RP1L1: variants seen among roughly 807,000 people sequenced by gnomAD.
RP1L1 encodes the protein retinitis pigmentosa 1-like 1 protein.
RP1L1 carries 27 observed loss-of-function variants against 15.7 expected under a neutral mutation model. The ratio of observed to expected loss-of-function variants is 1.72; its 90% CI spans 1.27 to 2.38. The LOEUF is 2.38. Ranked by LOEUF, RP1L1 falls within the 30% of genes most tolerant of loss-of-function variation. The pLI is 0.00. For synonymous variants in RP1L1, 1,813 were observed against 1,276.7 expected (o/e 1.42, Z -8.96); for missense variants, 4,798 against 3,075.9 (o/e 1.56, Z -13.24).
Position 10,606,792 on chromosome 8 carries a change from C to T in RP1L1, c.*103G>A, listed in dbSNP as rs1475465911. 92 of 1,575,226 alleles carry T rather than the reference C, an allele frequency of 5.8e-5. No individual in the cohort carries two copies. In the East Asian group the frequency reaches 2.0e-3, roughly 35 times the overall value. ...CAAGTCCTTGGTCTTTGTCCATGTA[C>T]TATGGACATCTCCAGTGGACTGAAC... is the stretch of plus-strand genomic sequence containing the variant. On this transcript the variant is annotated 3_prime_UTR_variant, in exon 4 of 4. Transcript: ENST00000382483.
chr8:10,631,389 A>ATTCACACACATGCACACACACG (rs201623211), intron 1 of RP1L1, among the ~76,000 whole-genome samples: 1 of 122,166 alleles, frequency 8.2e-6, no homozygotes, highest in East Asian at 2.0e-4. Context: ...ACACACATGC[A>ATTCACACACATGCACACACACG]CACACACGCA....
At position 10,611,556 on chromosome 8, in the gene RP1L1, G is replaced by A. The variant is rs765124987; in HGVS notation, c.2542C>T (p.Leu848=). ...GGGGTGGGACAGTACCTGCCACACA[G>A]CCAGCTAGCCTCAGGGGAGGGTCCC... ...QRGPSPEASW[L]CGRYCPTPPR... The change falls in exon 4 of 4, where the codon CTG becomes TTG. Residue 848 remains leucine (L), a synonymous_variant. Transcript: ENST00000382483. 5.8e-5 allele frequency: 93 copies of A among 1,599,742 alleles called. No homozygotes were observed. The highest frequency in any genetic ancestry group is 1.7e-4 in the Middle Eastern group (1 of 5,998).
chr8:10,638,439 AT>A lies in RP1L1; in HGVS notation c.-19-15220del, dbSNP rs1430671444. On this transcript the variant is annotated intron_variant, in intron 1 of 3. Transcript: ENST00000382483. ...AAGAATTGCAATAATTCCCTTGACT[AT>A]TTTTTATCCCACGAAATTAGATACA... 2.0e-5 allele frequency among the ~76,000 whole-genome samples: 3 copies of A among 152,114 alleles called. No homozygotes were observed. In the East Asian group the frequency reaches 5.8e-4, roughly 29 times the overall value.
chr8:10,644,408 G>A (rs1022783064), intron 1 of RP1L1, among the ~76,000 whole-genome samples: 1 of 152,190 alleles, frequency 6.6e-6, no homozygotes, highest in African/African-American at 2.4e-5. Flanking sequence ...CTTCTGGGCT[G>A]GGCTGGTCTA....
chr8:10,616,792 C>G (rs1473369694), intron 2 of RP1L1, among the ~76,000 whole-genome samples: 1 of 152,220 alleles, frequency 6.6e-6, no homozygotes, highest in Non-Finnish European at 1.5e-5. Flanking sequence ...CCACCACGAT[C>G]TCCCGCTCTA....
chr8:10,648,307 C>A (rs970371155), intron 1 of RP1L1, among the ~76,000 whole-genome samples: 1 of 152,204 alleles, frequency 6.6e-6, no homozygotes, highest in African/African-American at 2.4e-5. Context: ...ACTGGGATTA[C>A]AGGTGTGAGC....
intron 1 of RP1L1, among the ~76,000 whole-genome samples, chr8:10,627,096 A>G (rs1051175026): frequency 5.9e-5 from 9 of 152,276 alleles, no homozygotes; most frequent in Non-Finnish European, 1.3e-4. Flanking sequence ...AAATGGAAGC[A>G]TAGAATTGCC....
chr8:10,616,620 G>C (rs756398076), intron 2 of RP1L1, 33 bp from the exon 3 acceptor site: 1 of 1,596,594 alleles, frequency 6.3e-7, no homozygotes. Context: ...CAGGAGGCCT[G>C]GGCTGCAGAA....
At chr8:10,633,258 A>C (rs952277484) in intron 1 of RP1L1, among the ~76,000 whole-genome samples, 8 of 152,126 alleles carry the variant, frequency 5.3e-5, no homozygotes, top group Admixed American at 3.3e-4. Context: ...GGAAGCAGAG[A>C]TGCTGACCTC....
Position 10,606,562 on chromosome 8 carries a change from A to C in RP1L1, c.*333T>G. The C allele has an allele frequency of 3.1e-6, 1 of 323,270 alleles. No homozygotes were observed. The highest frequency in any genetic ancestry group is 5.7e-6 in the Non-Finnish European group (1 of 174,480). The allele number at this position is 323,270 out of a possible 1,614,324, so 20.0% of individuals were successfully genotyped here. On this transcript the variant is annotated 3_prime_UTR_variant, in exon 4 of 4. Coordinates refer to ENST00000382483, the MANE Select transcript of RP1L1 (RefSeq NM_178857.6). ...TTGCTAGCAGAAAACAAACCCACAA[A>C]CAAAAGCTAAACTGGAGCCTTTCCA...
rs757917733 is a variant in RP1L1 at position 10,622,609 on chromosome 8, G to C, written c.593C>G (p.Thr198Arg). 1 of 1,614,166 alleles carries C rather than the reference G, an allele frequency of 6.2e-7. No individual in the cohort carries two copies. ...ACAGCCTACCTTTTTCCCGCTGGTC[G>C]TGTACAACTGCTTCACAGGAAAGCG... The part of the protein sequence containing the change: ...LLRFPVKQLY[T>R]TSGKKVDSLQ... Residue 198 changes from threonine (T) to arginine (R), a missense_variant, in exon 2 of 4, where the codon ACG (threonine) becomes AGG (arginine). Coordinates refer to ENST00000382483, the MANE Select transcript of RP1L1 (RefSeq NM_178857.6).
Position 10,612,787 on chromosome 8 carries a change from C to A in RP1L1, c.1311G>T (p.Leu437=). The A allele has an allele frequency of 6.2e-7, 1 of 1,610,726 alleles. No individual in the cohort carries two copies. The highest frequency in any genetic ancestry group is 8.5e-7 in the Non-Finnish European group (1 of 1,179,936). Residue 437 remains leucine, a synonymous_variant, in exon 4 of 4, where the codon CTG becomes CTT. Transcript: ENST00000382483. The stretch of plus-strand genomic sequence containing the variant: ...CCCTCCCGGCAGTCCCGTGGCCCCA[C>A]AGGCCACTGCAGCGGACGTGCTGGG... ...GLAQHVRCSG[L]WGHGTAGRER...
At chr8:10,634,140 A>G (rs185201971) in intron 1 of RP1L1, among the ~76,000 whole-genome samples, 1 of 152,154 alleles carries the variant, frequency 6.6e-6, no homozygotes, top group East Asian at 1.9e-4. Context: ...GGAGCATAAC[A>G]TGGTACAGTT....
intron 1 of RP1L1, among the ~76,000 whole-genome samples, chr8:10,624,255 T>A (rs555908885): frequency 6.6e-6 from 1 of 152,146 alleles, no homozygotes; most frequent in African/African-American, 2.4e-5. Flanking sequence ...CTGGGTGGCA[T>A]CCTGGGATGC....
chr8:10,645,276 A>G (rs975052972), intron 1 of RP1L1, among the ~76,000 whole-genome samples: 2 of 152,198 alleles, frequency 1.3e-5, no homozygotes, highest in African/African-American at 4.8e-5. Context: ...TCAGTGAGCT[A>G]TGATCGCCCC....
Position 10,608,593 on chromosome 8 carries a change from T to C in RP1L1, c.5505A>G (p.Ile1835Met). The part of the protein sequence containing the change: ...DPGQSDGAEG[I>M]EAPEAEGEAQ... ...CCTCCCCTTCAGCCTCCGGGGCCTC[T>C]ATGCCTTCGGCCCCATCACTCTGTC... The change falls in exon 4 of 4, where the codon ATA becomes ATG. Residue 1835 changes from isoleucine (I) to methionine (M), a missense_variant. By Grantham distance (10) the Ile-to-Met change is conservative (BLOSUM62 1). Transcript: ENST00000382483. 6.2e-7 allele frequency: 1 copy of C among 1,614,198 alleles called. No homozygotes were observed. Among genetic ancestry groups the C allele is most frequent in the Non-Finnish European group, 8.5e-7 (1 of 1,180,030 alleles).
chr8:10,624,568 T>C (rs1009951990), intron 1 of RP1L1, among the ~76,000 whole-genome samples: 11 of 152,202 alleles, frequency 7.2e-5, no homozygotes, highest in Admixed American at 3.9e-4. Context: ...CAAATAGATA[T>C]GGCCCTGGCG....
chr8:10,647,234 C>A (rs531941731), intron 1 of RP1L1, among the ~76,000 whole-genome samples: 3 of 152,226 alleles, frequency 2.0e-5, no homozygotes, highest in Non-Finnish European at 1.5e-5. Flanking sequence ...CAAATCCTAA[C>A]GAATGTCCGC....
rs531911301 is a variant in RP1L1, at chr8:10,642,713, C to A, written c.-20+12185G>T. On this transcript the variant is annotated intron_variant, in intron 1 of 3. Coordinates refer to ENST00000382483, the MANE Select transcript of RP1L1 (RefSeq NM_178857.6). ...CATTTCCCCATGCCCAGTCCCACTC[C>A]TTACAGAGCAAAGGAAATTTGTTGG... 2.6e-5 allele frequency among the ~76,000 whole-genome samples: 4 copies of A among 152,316 alleles called. No individual in the cohort carries two copies. The South Asian group carries it at 8.3e-4, about 32-fold the overall frequency.
Sources: allele counts gnomAD v4.1 joint callset (sites outside exome capture counted in the v4.1 genomes callset), GRCh38; gene constraint gnomAD v4.1.1; transcripts MANE v1.5; gene names NCBI Gene and HGNC (gene_info 2026-07-23, HGNC 2026-07-21).